SNAPC3: variants seen among roughly 807,000 people sequenced by gnomAD.
SNAPC3 encodes snRNA-activating protein complex subunit 3.
SNAPC3 carries 56 observed loss-of-function variants against 47.7 expected under a neutral mutation model. The ratio of observed to expected loss-of-function variants is 1.18; its 90% CI spans 0.95 to 1.47. The LOEUF (loss-of-function observed/expected upper bound fraction) is 1.47. Ranked by LOEUF, SNAPC3 falls within the 40% of genes most tolerant of loss-of-function variation. SNAPC3 has a pLI of 0.00. For synonymous variants in SNAPC3, 235 were observed against 189.9 expected, an observed-to-expected ratio of 1.24 and a Z score of -1.95; for missense variants, 665 against 511.3, an observed-to-expected ratio of 1.30 and a Z score of -2.90.
chr9:15,442,256 A>C (rs1224774837), intron 3 of SNAPC3, among the ~76,000 whole-genome samples: 9 of 131,798 alleles, frequency 6.8e-5, no homozygotes, highest in East Asian at 2.5e-4. Context: ...GGCTGCCCCC[A>C]ACCTCCCTCC....
chr9:15,456,209 C>G lies in SNAPC3; in HGVS notation c.981-1751C>G, dbSNP rs192744990. 6.6e-5 allele frequency among the ~76,000 whole-genome samples: 10 copies of G among 151,750 alleles called. No individual in the cohort carries two copies. The East Asian group carries it at 2.0e-3, about 30-fold the overall frequency. ...ATTTTTAGTAGAGACGGGGTTTCAC[C>G]ATGTTGGCCAGGCTGGTGTCGAACT... On this transcript the variant is annotated intron_variant, in intron 7 of 8. Coordinates refer to ENST00000380821, the MANE Select transcript of SNAPC3 (RefSeq NM_001039697.2).
intron 3 of SNAPC3, among the ~76,000 whole-genome samples, chr9:15,438,184 T>G (rs1223448385): frequency 6.6e-6 from 1 of 152,222 alleles, no homozygotes; most frequent in Non-Finnish European, 1.5e-5. Context: ...TTAGATTTTT[T>G]ATTTCATTTT....
chr9:15,455,970 G>A (rs956086432), intron 7 of SNAPC3, among the ~76,000 whole-genome samples: 1 of 151,794 alleles, frequency 6.6e-6, no homozygotes, highest in Non-Finnish European at 1.5e-5. Context: ...TGCCTCCCAG[G>A]TTCAGGCAAT....
At chr9:15,462,551 A>C (rs555687826), downstream of SNAPC3, 2 of 152,352 alleles carry the variant, frequency 1.3e-5, no homozygotes, top group South Asian at 4.1e-4. Flanking sequence ...CACATTAGCT[A>C]ATGAAGATAG....
chr9:15,456,097 C>A (rs1012312672), intron 7 of SNAPC3, among the ~76,000 whole-genome samples: 2 of 152,224 alleles, frequency 1.3e-5, no homozygotes, highest in Non-Finnish European at 2.9e-5. Context: ...TGGTCTCGAA[C>A]TCCCGACCTC....
At chr9:15,458,548 A>G in intron 8 of SNAPC3, among the ~76,000 whole-genome samples, 1 of 152,140 alleles carries the variant, frequency 6.6e-6, no homozygotes, top group South Asian at 2.1e-4. Context: ...CATCAATAAA[A>G]CTTCATCAAT....
chr9:15,431,155 C>T (rs1294929457), intron 2 of SNAPC3, among the ~76,000 whole-genome samples: 2 of 152,158 alleles, frequency 1.3e-5, no homozygotes, highest in South Asian at 2.1e-4. Flanking sequence ...CTGAAGCACC[C>T]CGCGCCCAGC....
intron 3 of SNAPC3, 47 bp from the exon 4 acceptor site, chr9:15,444,555 A>G: frequency 1.6e-6 from 2 of 1,221,846 alleles, no homozygotes; most frequent in South Asian, 2.5e-5. Flanking sequence ...ACTGCATCTT[A>G]TCTGAGTTAT....
At chr9:15,426,105 C>T (rs543215282) in intron 2 of SNAPC3, among the ~76,000 whole-genome samples, 202 of 152,274 alleles carry the variant, frequency 1.3e-3, no homozygotes, top group African/African-American at 4.8e-3. Flanking sequence ...CCACCCACCT[C>T]GGCCTCCCAA....
chr9:15,424,596 G>T (rs1011736647), intron 2 of SNAPC3, among the ~76,000 whole-genome samples: 1 of 152,190 alleles, frequency 6.6e-6, no homozygotes, highest in South Asian at 2.1e-4. Flanking sequence ...ATTATTCAAT[G>T]ATAATGGAAG....
Position 15,445,119 on chromosome 9 carries a change from C to G in SNAPC3, c.582+413C>G, listed in dbSNP as rs528275070. ...ATAAATGCAAGCATATGCTGCCTATCTGATGTCTTATTTTTAGAGTTGACA... is the reference window on the plus strand; with the variant it reads ...ATAAATGCAAGCATATGCTGCCTATGTGATGTCTTATTTTTAGAGTTGACA... On this transcript the variant is annotated intron_variant, in intron 4 of 8. Transcript: ENST00000380821. 9.8e-5 allele frequency among the ~76,000 whole-genome samples: 15 copies of G among 152,298 alleles called. No homozygotes were observed. In the East Asian group the frequency reaches 2.5e-3, roughly 25 times the overall value.
intron 6 of SNAPC3, among the ~76,000 whole-genome samples, chr9:15,451,951 A>G (rs1010526985): frequency 7.4e-6 from 1 of 134,586 alleles, no homozygotes; most frequent in Non-Finnish European, 1.6e-5. Flanking sequence ...ACAAGTATAT[A>G]TATTATTGTT....
At chr9:15,431,480 CT>C (rs1188901204) in intron 2 of SNAPC3, among the ~76,000 whole-genome samples, 1 of 152,080 alleles carries the variant, frequency 6.6e-6, no homozygotes, top group African/African-American at 2.4e-5. Flanking sequence ...AATTGCTGTT[CT>C]TTTTTTCTTC....
chr9:15,438,850 G>A (rs1319350497), intron 3 of SNAPC3, among the ~76,000 whole-genome samples: 2 of 151,994 alleles, frequency 1.3e-5, no homozygotes, highest in Non-Finnish European at 2.9e-5. Flanking sequence ...TTGTATATCT[G>A]TTGGGTCTAA....
intron 5 of SNAPC3, among the ~76,000 whole-genome samples, chr9:15,448,223 T>G (rs984713597): frequency 1.3e-5 from 2 of 152,178 alleles, no homozygotes; most frequent in African/African-American, 4.8e-5. Context: ...TTGGTATAAC[T>G]GAGGTTTCAT....
chr9:15,447,646 A>C (rs1375193055), intron 5 of SNAPC3, among the ~76,000 whole-genome samples: 1 of 151,678 alleles, frequency 6.6e-6, no homozygotes, highest in Admixed American at 6.6e-5. Flanking sequence ...TTCCATTTTT[A>C]TGTAACTTGA....
At chr9:15,456,577 CT>C (rs1454232530) in intron 7 of SNAPC3, among the ~76,000 whole-genome samples, 1 of 152,008 alleles carries the variant, frequency 6.6e-6, no homozygotes, top group Non-Finnish European at 1.5e-5. Context: ...AAGTAGTCGT[CT>C]TCCCTCAGTC....
At position 15,423,986 on chromosome 9, in the gene SNAPC3, G is replaced by A; in HGVS notation, c.392G>A (p.Gly131Glu). ...IPENTDLVTL[G>E]VRKRFLEHRE... is the part of the protein sequence containing the mutation. ...GAGAATACTGACCTGGTGACTTTGG[G>A]GTATGGAGGACTTGGTTTTTATGAC... Residue 131 changes from glycine to glutamate, a missense_variant and splice_region_variant, in exon 2 of 9, where the codon GGG becomes GAG. Gly to Glu is a moderately conservative substitution (Grantham distance 98, BLOSUM62 -2). Coordinates refer to ENST00000380821, the MANE Select transcript of SNAPC3 (RefSeq NM_001039697.2). 1 of 1,544,298 alleles carries A rather than the reference G, an allele frequency of 6.5e-7. No individual in the cohort carries two copies. Among genetic ancestry groups the A allele is most frequent in the Non-Finnish European group, 8.8e-7 (1 of 1,142,786 alleles).
intron 4 of SNAPC3, 30 bp downstream of exon 4, chr9:15,444,736 GATA>G: frequency 8.6e-7 from 1 of 1,157,004 alleles, no homozygotes; most frequent in Non-Finnish European, 1.3e-6. Flanking sequence ...GGATTTTATG[GATA>G]ATAGTAACTT....
Sources: gnomAD v4.1 joint callset for allele counts (sites outside exome capture counted in the v4.1 genomes callset) on GRCh38, gnomAD v4.1.1 for gene constraint, MANE v1.5 for transcripts, NCBI Gene and HGNC (gene_info 2026-07-23, HGNC 2026-07-21) for gene names.